Variants in HSPG2 observed in about 807,000 individuals in gnomAD.
HSPG2 encodes the protein basement membrane-specific heparan sulfate proteoglycan core protein.
Under a neutral mutation model 526.6 loss-of-function variants are expected in HSPG2, and 278 were observed. The ratio of observed to expected loss-of-function variants is 0.53; its 90% CI spans 0.48 to 0.58. HSPG2 has a LOEUF of 0.58. Among genes scored for constraint, HSPG2 ranks in the 20% least tolerant of loss-of-function variants. The probability of loss-of-function intolerance (pLI) is 0.00; values close to 1 mark genes in which losing one functional copy is unlikely to be tolerated. For missense variants in HSPG2, 5,354 were observed against 6,099.5 expected, an observed-to-expected ratio of 0.88 and a Z score of 4.07; for synonymous variants, 2,465 against 2,555.4, an observed-to-expected ratio of 0.96 and a Z score of 1.07.
chr1:21,860,856 T>G (rs776440247), intron 39 of HSPG2, among the ~76,000 whole-genome samples: 2 of 152,170 alleles, frequency 1.3e-5, no homozygotes, highest in Non-Finnish European at 2.9e-5. Flanking sequence ...ACAATGAATG[T>G]GATAAAGTCC....
At chr1:21,850,559 C>T (rs902866481) in intron 55 of HSPG2, 61 bp from the exon 56 acceptor site, 13 of 1,498,292 alleles carry the variant, frequency 8.7e-6, no homozygotes, top group Admixed American at 2.2e-5. Flanking sequence ...CTATAACCTG[C>T]AACCCTGCCT....
chr1:21,916,267 C>T (rs186955383), intron 1 of HSPG2, among the ~76,000 whole-genome samples: 5 of 151,176 alleles, frequency 3.3e-5, no homozygotes, highest in East Asian at 3.9e-4. Flanking sequence ...TTTGGGAGAC[C>T]GAGGCGGGTG....
intron 1 of HSPG2, among the ~76,000 whole-genome samples, chr1:21,905,560 G>A (rs538903520): frequency 7.2e-5 from 11 of 152,192 alleles, no homozygotes; most frequent in East Asian, 1.9e-4. Flanking sequence ...TGGCCAACAT[G>A]GTGAAACCCC....
In HSPG2 at chr1:21,859,741, A is replaced by C; in HGVS notation, c.5183-65T>G. The stretch of plus-strand genomic sequence containing the variant: ...CTCTTTCTCACATCCAGCCCCATGC[A>C]CAAGGACAGCATCCCACTAGGGCAG... On this transcript the variant is annotated intron_variant, in intron 41 of 96. Transcript: ENST00000374695. This position sits in a 1 kb window ranked among gnomAD's most constrained non-coding sequence, Gnocchi z 5.3. 1 of 1,583,598 alleles carries C rather than the reference A, an allele frequency of 6.3e-7. No individual in the cohort carries two copies. Among genetic ancestry groups the C allele is most frequent in the Non-Finnish European group, 8.6e-7 (1 of 1,163,624 alleles).
At position 21,828,925 on chromosome 1, in the gene HSPG2, G is replaced by A; in HGVS notation, c.12147C>T (p.His4049=). 4 of 1,568,368 alleles carry A rather than the reference G, an allele frequency of 2.6e-6. No individual in the cohort carries two copies. Among genetic ancestry groups the A allele is most frequent in the Non-Finnish European group, 2.6e-6 (3 of 1,156,604 alleles). The change falls in exon 88 of 97, where the codon CAC becomes CAT. Residue 4049 remains histidine (H), a synonymous_variant. Transcript: ENST00000374695. This position sits in a 1 kb window ranked among gnomAD's most constrained non-coding sequence, Gnocchi z 6.0. ...CCACACCCCCCAGGTAGAGCAGGGT[G>A]TGCAGGTTGAGGCCCTGGCTCTTGC... ...SPGKSQGLNL[H]TLLYLGGVEP...
Position 21,870,205 on chromosome 1 carries a change from T to A in HSPG2, c.4221+1981A>T, listed in dbSNP as rs929795832. ...GGTACAACCTGTCCTAGCCAGGTCC[T>A]CAGTTACCTGTGATGCCCGCTGTGC... is the stretch of plus-strand genomic sequence containing the variant. On this transcript the variant is annotated intron_variant, in intron 33 of 96. Transcript: ENST00000374695. The A allele has an allele frequency of 7.1e-6, 7 of 981,980 alleles. No individual in the cohort carries two copies. The African/African-American group carries it at 1.1e-4, about 15-fold the overall frequency. The allele number at this position is 981,980 out of a possible 1,614,324, so 60.8% of individuals were successfully genotyped here. A position where few individuals can be genotyped will look rare whatever the true frequency, so the allele number is the denominator to read the frequency against.
Position 21,864,177 on chromosome 1 carries a change from GC to G in HSPG2, c.4662del (p.Leu1555SerfsTer63). 6.4e-7 allele frequency: 1 copy of G among 1,554,516 alleles called. No homozygotes were observed. ...CAPGYTRTGS[G>X]LYLGHCELCE... Reference sequence around the variant, plus strand: ...CATAGCTCGCAGTGGCCGAGGTAGAGCCCACTCCCGGTGCGCGTGTAGCCGG... The same window carrying G: ...CATAGCTCGCAGTGGCCGAGGTAGAGCCACTCCCGGTGCGCGTGTAGCCGG... On this transcript the variant is annotated frameshift_variant, in exon 37 of 97. Transcript: ENST00000374695. LOFTEE classifies it high-confidence loss of function. This position sits in a 1 kb window ranked among gnomAD's most constrained non-coding sequence, Gnocchi z 4.8.
rs1181002159 is a variant in HSPG2 at position 21,904,166 on chromosome 1, G to A, written c.64-7856C>T. On this transcript the variant is annotated intron_variant, in intron 1 of 96. Coordinates refer to ENST00000374695, the MANE Select transcript of HSPG2 (RefSeq NM_005529.7). This position sits in a 1 kb window ranked among gnomAD's most constrained non-coding sequence, Gnocchi z 4.4. ...CACCGTGCGAAGAGAGTGCTGAAGGGGAAGGAAGGGGGCCGGCAGAGCCCA... is the reference window on the plus strand; with the variant it reads ...CACCGTGCGAAGAGAGTGCTGAAGGAGAAGGAAGGGGGCCGGCAGAGCCCA... 1.3e-5 allele frequency among the ~76,000 whole-genome samples: 2 copies of A among 152,200 alleles called. No homozygotes were observed. The highest frequency in any genetic ancestry group is 3.9e-4 in the East Asian group (2 of 5,188).
Position 21,917,191 on chromosome 1 carries a change from G to A in HSPG2, c.63+19964C>T, listed in dbSNP as rs138932664. Among the ~76,000 whole-genome samples the A allele has an allele frequency of 1.2e-4, 18 of 152,114 alleles. 1 individual carries two copies. In the East Asian group the frequency reaches 3.1e-3, roughly 26 times the overall value. On this transcript the variant is annotated intron_variant, in intron 1 of 96. Transcript: ENST00000374695. The stretch of plus-strand genomic sequence containing the variant: ...ACATGCCTGTAATCCTAGCTCTTCG[G>A]GAGGCTGAGACAGGTGGATTGCTTG...
At chr1:21,902,682 T>C (rs1643164663) in intron 1 of HSPG2, among the ~76,000 whole-genome samples, 1 of 152,066 alleles carries the variant, frequency 6.6e-6, no homozygotes, top group Non-Finnish European at 1.5e-5. Flanking sequence ...TGTAAGCTCA[T>C]ATCAAGGCCT....
At chr1:21,905,247 C>CCACCCACACA (rs1557816190) in intron 1 of HSPG2, among the ~76,000 whole-genome samples, 1 of 137,702 alleles carries the variant, frequency 7.3e-6, no homozygotes, top group African/African-American at 2.6e-5. Context: ...ACACACACAC[C>CCACCCACACA]CACCCACACA....
Position 21,893,290 on chromosome 1 carries a change from C to A in HSPG2, c.245-2596G>T, listed in dbSNP as rs1244695134. Among the ~76,000 whole-genome samples the A allele has an allele frequency of 1.3e-5, 2 of 152,192 alleles. No homozygotes were observed. Among genetic ancestry groups the A allele is most frequent in the African/African-American group, 4.8e-5 (2 of 41,448 alleles). On this transcript the variant is annotated intron_variant, in intron 3 of 96. Coordinates refer to ENST00000374695, the MANE Select transcript of HSPG2 (RefSeq NM_005529.7). This position sits in a 1 kb window ranked among gnomAD's most constrained non-coding sequence, Gnocchi z 4.3. ...CTGGTCCCTGCAGGGCTGCTGCACC[C>A]ATCTCTGCCCGTCAACACCCCATGG...
intron 17 of HSPG2, among the ~76,000 whole-genome samples, 155 bp downstream of exon 17, chr1:21,879,952 C>T (rs1479717373): frequency 6.6e-6 from 1 of 152,194 alleles, no homozygotes; most frequent in Non-Finnish European, 1.5e-5. Flanking sequence ...TGCGCCTGAC[C>T]TATATTTCTG....
At chr1:21,838,155 A>AG (rs1235299322) in intron 74 of HSPG2, among the ~76,000 whole-genome samples, 60 of 134,430 alleles carry the variant, frequency 4.5e-4, no homozygotes, top group African/African-American at 1.5e-3. Flanking sequence ...AAAAAAAAAA[A>AG]AAAGAAAGAA....
Position 21,879,086 on chromosome 1 carries a change from G to C in HSPG2, c.2379C>G (p.Asn793Lys), listed in dbSNP as rs764061663. ...CQHNTEGPQCNKCKAGFFGDA... is the reference protein window; with the variant it reads ...CQHNTEGPQCKKCKAGFFGDA... ...CCCCAAAGAAGCCAGCCTTGCACTT[G>C]TTGCACTGTGGCCCCTCCGTGTTGT... The change falls in exon 18 of 97, where the codon AAC becomes AAG. Residue 793 changes from asparagine to lysine, a missense_variant. By Grantham distance (94) the Asn-to-Lys change is moderately conservative (BLOSUM62 0). Transcript: ENST00000374695. The C allele has an allele frequency of 1.2e-6, 2 of 1,614,144 alleles. No individual in the cohort carries two copies. The highest frequency in any genetic ancestry group is 1.3e-5 in the African/African-American group (1 of 74,956).
At chr1:21,840,151 T>C in intron 71 of HSPG2, 134 bp from the exon 72 acceptor site, 1 of 730,960 alleles carries the variant, frequency 1.4e-6, no homozygotes, top group Non-Finnish European at 2.3e-6. Context: ...TATATATTTA[T>C]TTTTTGAGAC....
At chr1:21,863,298 A>G (rs1210513412) in intron 37 of HSPG2, among the ~76,000 whole-genome samples, 24 of 151,554 alleles carry the variant, frequency 1.6e-4, no homozygotes, top group Admixed American at 4.6e-4. Flanking sequence ...GCGTGAACCC[A>G]GGAGGTGGAG....
In HSPG2 at chr1:21,842,261, C is replaced by T. The variant is rs202067055; in HGVS notation, c.9030G>A (p.Pro3010=). The change falls in exon 68 of 97, where the codon CCG becomes CCA. Residue 3010 remains proline, a synonymous_variant. Coordinates refer to ENST00000374695, the MANE Select transcript of HSPG2 (RefSeq NM_005529.7). ...CACGGTAGGAAGACCCCTCACTGGGCGGGACGGTGACTGTGAAGGAGGCTT... is the reference window on the plus strand; with the variant it reads ...CACGGTAGGAAGACCCCTCACTGGGTGGGACGGTGACTGTGAAGGAGGCTT... ...EQEASFTVTV[P]PSEGSSYRLR... The T allele has an allele frequency of 1.1e-4, 176 of 1,613,364 alleles. No homozygotes were observed. Among genetic ancestry groups the T allele is most frequent in the Non-Finnish European group, 5.8e-5 (69 of 1,179,870 alleles).
rs1641007475 is a variant in HSPG2 at position 21,875,715 on chromosome 1, G to T, written c.3216C>A (p.Ala1072=). 1 of 1,604,884 alleles carries T rather than the reference G, an allele frequency of 6.2e-7. No individual in the cohort carries two copies. Among genetic ancestry groups the T allele is most frequent in the Admixed American group, 1.7e-5 (1 of 60,006 alleles). The change falls in exon 25 of 97, where the codon GCC becomes GCA. Residue 1072 remains alanine (A), a synonymous_variant. Coordinates refer to ENST00000374695, the MANE Select transcript of HSPG2 (RefSeq NM_005529.7). ...GTGCCATCAGCAGGTGCTCCCGTGT[G>T]GCTGGCTGCCCATCGGGCCGCTGCC... ...QAWQRPDGQP[A]TREHLLMALA... is the part of the protein sequence containing the mutation.
Sources: allele counts gnomAD v4.1 joint callset (sites outside exome capture counted in the v4.1 genomes callset), GRCh38; gene constraint gnomAD v4.1.1; non-coding constraint Gnocchi (gnomAD v3.1); transcripts MANE v1.5; gene names NCBI Gene and HGNC (gene_info 2026-07-23, HGNC 2026-07-21).